The following DLG2 variants were observed in gnomAD, a reference collection of about 807,000 sequenced individuals.
DLG2 encodes disks large homolog 2.
Under a neutral mutation model 132.5 loss-of-function variants are expected in DLG2, and 45 were observed. That is an observed-to-expected ratio of 0.34 (90% CI 0.27 to 0.44). The LOEUF is 0.44. Among genes scored for constraint, DLG2 ranks in the 20% least tolerant of loss-of-function variants. DLG2 has a pLI of 1.00. For synonymous variants in DLG2, 424 were observed against 419.6 expected, an observed-to-expected ratio of 1.01 and a Z score of -0.13; for missense variants, 1,045 against 1,196.9, an observed-to-expected ratio of 0.87 and a Z score of 1.87.
intron 7 of DLG2, among the ~76,000 whole-genome samples, chr11:84,451,379 G>C: frequency 6.6e-6 from 1 of 151,564 alleles, no homozygotes; most frequent in East Asian, 1.9e-4. Context: ...ATTTTTTCTT[G>C]TTTTTGAAAT....
intron 3 of DLG2, among the ~76,000 whole-genome samples, chr11:85,379,320 C>A (rs1316817038): frequency 6.6e-6 from 1 of 152,092 alleles, no homozygotes. Flanking sequence ...TTAATCCTGT[C>A]TTTAGGTTTA....
chr11:84,766,831 TG>T (rs2153879677), intron 6 of DLG2, among the ~76,000 whole-genome samples: 1 of 152,198 alleles, frequency 6.6e-6, no homozygotes, highest in Admixed American at 6.5e-5. Flanking sequence ...GCTTATAGTA[TG>T]GGAAATAAAA....
chr11:85,136,437 CATT>C (rs1182582482), intron 5 of DLG2, among the ~76,000 whole-genome samples: 2 of 151,988 alleles, frequency 1.3e-5, no homozygotes, highest in Non-Finnish European at 2.9e-5. Context: ...TCAAGGGAAA[CATT>C]ATGTTGTTTT....
At chr11:85,507,183 T>C (rs1239689922) in intron 3 of DLG2, among the ~76,000 whole-genome samples, 2 of 152,222 alleles carry the variant, frequency 1.3e-5, no homozygotes, top group Non-Finnish European at 2.9e-5. Flanking sequence ...GTCTTTGTCT[T>C]TTAATTGGGG....
At chr11:83,652,608 A>G (rs923627753) in intron 18 of DLG2, among the ~76,000 whole-genome samples, 21 of 152,192 alleles carry the variant, frequency 1.4e-4, no homozygotes, top group African/African-American at 3.9e-4. Flanking sequence ...CTGGCTTCAA[A>G]TGATCTGCCT....
chr11:84,966,635 G>T (rs2053388244), intron 6 of DLG2, among the ~76,000 whole-genome samples: 1 of 152,062 alleles, frequency 6.6e-6, no homozygotes, highest in Admixed American at 6.6e-5. Flanking sequence ...TTTTAGAAAG[G>T]CAACTTTGGT....
At chr11:84,686,340 C>T (rs2099738142) in intron 6 of DLG2, among the ~76,000 whole-genome samples, 1 of 152,176 alleles carries the variant, frequency 6.6e-6, no homozygotes, top group Non-Finnish European at 1.5e-5. Context: ...TCCTTGTTAA[C>T]ATCAATTTAT....
chr11:85,212,670 C>T (rs1186128838), intron 4 of DLG2, among the ~76,000 whole-genome samples: 1 of 152,112 alleles, frequency 6.6e-6, no homozygotes, highest in East Asian at 1.9e-4. Flanking sequence ...TATCAAAGCA[C>T]TCTCACATCT....
intron 5 of DLG2, among the ~76,000 whole-genome samples, chr11:85,116,975 G>A (rs2073691019): frequency 6.6e-6 from 1 of 151,946 alleles, no homozygotes; most frequent in African/African-American, 2.4e-5. Context: ...TAACTTCCTT[G>A]GGTTTAGGAG....
chr11:84,255,302 GC>G (rs537237612), intron 7 of DLG2, among the ~76,000 whole-genome samples: 46 of 152,158 alleles, frequency 3.0e-4, no homozygotes, highest in Admixed American at 6.5e-4. Flanking sequence ...ATTTCACACT[GC>G]CCTGCCATAT....
chr11:85,031,149 C>T (rs1383009439), intron 6 of DLG2, among the ~76,000 whole-genome samples: 1 of 151,636 alleles, frequency 6.6e-6, no homozygotes, highest in Non-Finnish European at 1.5e-5. Context: ...CTTTTTGTTT[C>T]TTTGGGGCTC....
At chr11:85,420,512 C>T (rs1298430566) in intron 3 of DLG2, among the ~76,000 whole-genome samples, 1 of 152,202 alleles carries the variant, frequency 6.6e-6, no homozygotes, top group Non-Finnish European at 1.5e-5. Flanking sequence ...ATGTTCAAGT[C>T]TGCTGAAGTT....
At chr11:84,149,031 C>T (rs2095197025) in intron 9 of DLG2, among the ~76,000 whole-genome samples, 1 of 152,060 alleles carries the variant, frequency 6.6e-6, no homozygotes, top group Non-Finnish European at 1.5e-5. Flanking sequence ...TGAGAAGTAT[C>T]TGTTCATATA....
At chr11:83,620,857 G>A (rs1435937183) in intron 19 of DLG2, among the ~76,000 whole-genome samples, 3 of 95,464 alleles carry the variant, frequency 3.1e-5, no homozygotes, top group Non-Finnish European at 5.2e-5. Context: ...GCGACAGAGC[G>A]AGACTCCGTC....
intron 3 of DLG2, among the ~76,000 whole-genome samples, chr11:85,398,949 G>T (rs1348991105): frequency 6.6e-6 from 1 of 152,010 alleles, no homozygotes; most frequent in Admixed American, 6.6e-5. Flanking sequence ...GCAGGAGAAG[G>T]AAATAAAGGG....
intron 6 of DLG2, among the ~76,000 whole-genome samples, chr11:85,034,339 T>G (rs2061281241): frequency 6.6e-6 from 1 of 152,122 alleles, no homozygotes; most frequent in African/African-American, 2.4e-5. Context: ...GCCTCCAAAG[T>G]GCTGGGATTA....
At chr11:83,784,125 C>T (rs1038311784) in intron 18 of DLG2, among the ~76,000 whole-genome samples, 1 of 152,054 alleles carries the variant, frequency 6.6e-6, no homozygotes. Flanking sequence ...TAAAAGTATG[C>T]CAATAAAATC....
chr11:84,675,316 C>T (rs554639517), intron 6 of DLG2, among the ~76,000 whole-genome samples: 1 of 152,220 alleles, frequency 6.6e-6, no homozygotes, highest in South Asian at 2.1e-4. Flanking sequence ...ATAAATACAG[C>T]AGTGGCTCTA....
intron 6 of DLG2, among the ~76,000 whole-genome samples, chr11:84,830,117 T>C (rs938896386): frequency 1.3e-5 from 2 of 151,692 alleles, no homozygotes; most frequent in Non-Finnish European, 3.0e-5. Flanking sequence ...TGTTACATAT[T>C]ATGCTTAGTG....
Sources: gnomAD v4.1 joint callset for allele counts (sites outside exome capture counted in the v4.1 genomes callset) on GRCh38, gnomAD v4.1.1 for gene constraint, MANE v1.5 for transcripts, NCBI Gene and HGNC (gene_info 2026-07-23, HGNC 2026-07-21) for gene names.